The following PCDHGA7 variants were observed in gnomAD, a reference collection of about 807,000 sequenced individuals.
The protein encoded by PCDHGA7 is protocadherin gamma-A7.
A neutral mutation model predicts 58.3 loss-of-function variants in PCDHGA7; 44 were observed. The ratio of observed to expected loss-of-function variants is 0.75; its 90% confidence interval spans 0.59 to 0.97. PCDHGA7 has a LOEUF of 0.97. Among genes scored for constraint, PCDHGA7 ranks in the 50% least tolerant of loss-of-function variants. The pLI is 0.00. For synonymous variants in PCDHGA7, 516 were observed against 504.2 expected (o/e 1.02, Z -0.31); for missense variants, 1,266 against 1,188.7 (o/e 1.06, Z -0.96).
intron 1 of PCDHGA7, among the ~76,000 whole-genome samples, chr5:141,456,877 C>T (rs910777736): frequency 2.0e-5 from 3 of 152,202 alleles, no homozygotes; most frequent in South Asian, 2.1e-4. Context: ...GCAGGAGAAT[C>T]GCTTGAACCC....
At chr5:141,404,319 C>T in intron 1 of PCDHGA7, 3 of 1,613,900 alleles carry the variant, frequency 1.9e-6, no homozygotes, top group East Asian at 4.5e-5. Context: ...TCTCAAGCCT[C>T]CTACTCAGTC....
chr5:141,505,298 T>C, intron 2 of PCDHGA7, 95 bp from the exon 3 acceptor site: 1 of 1,586,334 alleles, frequency 6.3e-7, no homozygotes, highest in Non-Finnish European at 8.6e-7. Flanking sequence ...GGGGTAGGGT[T>C]AGGGTACTAG....
chr5:141,420,465 A>G, intron 1 of PCDHGA7: 1 of 807,604 alleles, frequency 1.2e-6, no homozygotes. Context: ...ATTCAAAGAC[A>G]TTTTAAAGCA....
rs2091965953 is a variant in PCDHGA7 at position 141,389,909 on chromosome 5, C to T, written c.2424+4586C>T. ...AGGAGGTGCTGCCGGATATCACTGA[C>T]CGCCCCGACCCCTCTGACCTCCAGG... On this transcript the variant is annotated intron_variant, in intron 1 of 3. Transcript: ENST00000518325. 1.9e-6 allele frequency: 3 copies of T among 1,614,068 alleles called. No homozygotes were observed. In the South Asian group the frequency reaches 3.3e-5, roughly 18 times the overall value.
chr5:141,399,975 G>A (rs2093929990), intron 1 of PCDHGA7: 2 of 1,612,126 alleles, frequency 1.2e-6, no homozygotes, highest in East Asian at 2.2e-5. Flanking sequence ...TCAGCCTGGG[G>A]CTGCGCACAG....
In PCDHGA7 at chr5:141,487,072, T is replaced by C. The variant is rs754589618; in HGVS notation, c.2425-7735T>C. On this transcript the variant is annotated intron_variant, in intron 1 of 3. Coordinates refer to ENST00000518325, the MANE Select transcript of PCDHGA7 (RefSeq NM_018920.4). This position sits in a 1 kb window ranked among gnomAD's most constrained non-coding sequence, Gnocchi z 5.0. ...CTGGGGAGGTGCGGACGGCTGTTCCTATCCCAGCTGACCTCCCACCACAGA... is the reference window on the plus strand; with the variant it reads ...CTGGGGAGGTGCGGACGGCTGTTCCCATCCCAGCTGACCTCCCACCACAGA... 8.1e-6 allele frequency: 13 copies of C among 1,614,010 alleles called. No homozygotes were observed. Among genetic ancestry groups the C allele is most frequent in the Non-Finnish European group, 1.1e-5 (13 of 1,179,966 alleles).
chr5:141,485,338 T>C lies in PCDHGA7; in HGVS notation c.2425-9469T>C, dbSNP rs1259658641. The stretch of plus-strand genomic sequence containing the variant: ...ATGTCGCTCAAGATTTCCTGCTGGA[T>C]ACGGACAGTCTGTCAGCTCGCAGGC... On this transcript the variant is annotated intron_variant, in intron 1 of 3. Coordinates refer to ENST00000518325, the MANE Select transcript of PCDHGA7 (RefSeq NM_018920.4). The surrounding 1 kb of genome is among the most constrained non-coding windows in gnomAD (Gnocchi z 5.7). 1 of 1,614,140 alleles carries C rather than the reference T, an allele frequency of 6.2e-7. No individual in the cohort carries two copies. Among genetic ancestry groups the C allele is most frequent in the Non-Finnish European group, 8.5e-7 (1 of 1,180,006 alleles).
At chr5:141,418,068 C>T (rs1292846589) in intron 1 of PCDHGA7, 4 of 1,614,002 alleles carry the variant, frequency 2.5e-6, no homozygotes, top group Non-Finnish European at 3.4e-6. Flanking sequence ...CGAGTGAGCG[C>T]GGAGAAGCTG....
intron 1 of PCDHGA7, among the ~76,000 whole-genome samples, chr5:141,402,680 TATA>T (rs1441272447): frequency 2.4e-4 from 36 of 152,348 alleles, no homozygotes; most frequent in African/African-American, 7.9e-4. Context: ...AGCCATCTGA[TATA>T]ATGTTACACA....
chr5:141,479,939 A>G (rs763454741), intron 1 of PCDHGA7, among the ~76,000 whole-genome samples: 2 of 152,004 alleles, frequency 1.3e-5, no homozygotes, highest in Non-Finnish European at 2.9e-5. Flanking sequence ...ATTGCTATCA[A>G]CTCTTGGATT....
chr5:141,426,865 T>G (rs2096965950), intron 1 of PCDHGA7: 1 of 456,600 alleles, frequency 2.2e-6, no homozygotes, highest in African/African-American at 2.0e-5. Flanking sequence ...GAATTAGTGC[T>G]GGAGAAGCCC....
At position 141,486,484 on chromosome 5, in the gene PCDHGA7, C is replaced by G. The variant is rs200150307; in HGVS notation, c.2425-8323C>G. ...ATGCTGGGAACCCTCCTCTCAGTAC[C>G]CACAGAACTATTTTCCTCAATATTT... On this transcript the variant is annotated intron_variant, in intron 1 of 3. Transcript: ENST00000518325. The surrounding 1 kb of genome is among the most constrained non-coding windows in gnomAD (Gnocchi z 5.0). The G allele has an allele frequency of 2.8e-5, 45 of 1,614,102 alleles. No homozygotes were observed. In the Admixed American group the frequency reaches 5.5e-4, roughly 20 times the overall value.
chr5:141,494,878 T>A lies in PCDHGA7; in HGVS notation c.2483+13T>A. Reference sequence around the variant, plus strand: ...CCGGCACCAGCGGGTAGGTGACTGATTCTCCAGCCCACCCTCTTCTCTGCG... The same window carrying A: ...CCGGCACCAGCGGGTAGGTGACTGAATCTCCAGCCCACCCTCTTCTCTGCG... On this transcript the variant is annotated intron_variant, in intron 2 of 3. Coordinates refer to ENST00000518325, the MANE Select transcript of PCDHGA7 (RefSeq NM_018920.4). The A allele has an allele frequency of 6.2e-7, 1 of 1,614,072 alleles. No homozygotes were observed. The highest frequency in any genetic ancestry group is 8.5e-7 in the Non-Finnish European group (1 of 1,179,986).
chr5:141,400,067 A>G lies in PCDHGA7; in HGVS notation c.2424+14744A>G, dbSNP rs761746196. On this transcript the variant is annotated intron_variant, in intron 1 of 3. Coordinates refer to ENST00000518325, the MANE Select transcript of PCDHGA7 (RefSeq NM_018920.4). ...CTGGTTGCTGTGCGTGATGGTGGAC[A>G]GCCGCCACTCTCCGCCACCGCCACG... is the stretch of plus-strand genomic sequence containing the variant. 1.3e-5 allele frequency: 21 copies of G among 1,613,654 alleles called. No individual in the cohort carries two copies. The highest frequency in any genetic ancestry group is 1.7e-4 in the Middle Eastern group (1 of 5,998).
intron 1 of PCDHGA7, chr5:141,410,627 TTC>T: frequency 6.2e-7 from 1 of 1,602,046 alleles, no homozygotes; most frequent in Admixed American, 1.7e-5. Flanking sequence ...TTCGGTGAGT[TTC>T]TCTTTTTTGT....
At chr5:141,466,938 G>C (rs985959499) in intron 1 of PCDHGA7, among the ~76,000 whole-genome samples, 1 of 151,854 alleles carries the variant, frequency 6.6e-6, no homozygotes, top group Non-Finnish European at 1.5e-5. Context: ...TTAGTCCTTT[G>C]TCCAGTAAAC....
chr5:141,442,596 T>C (rs2154559877), intron 1 of PCDHGA7: 1 of 152,310 alleles, frequency 6.6e-6, no homozygotes, highest in South Asian at 2.1e-4. Flanking sequence ...TTAAATATTT[T>C]CAGAGATCTC....
intron 1 of PCDHGA7, chr5:141,404,457 C>A: frequency 1.2e-6 from 2 of 1,612,824 alleles, no homozygotes; most frequent in Non-Finnish European, 1.7e-6. Flanking sequence ...TCTCCTCTCT[C>A]CACCTATGTC....
intron 1 of PCDHGA7, among the ~76,000 whole-genome samples, chr5:141,460,110 A>G (rs966038979): frequency 2.0e-5 from 3 of 151,894 alleles, no homozygotes; most frequent in African/African-American, 7.2e-5. Context: ...ATTATATATG[A>G]TTTTTATATA....
Sources: allele counts gnomAD v4.1 joint callset (sites outside exome capture counted in the v4.1 genomes callset), GRCh38; gene constraint gnomAD v4.1.1; non-coding constraint Gnocchi (gnomAD v3.1); transcripts MANE v1.5; gene names NCBI Gene and HGNC (gene_info 2026-07-23, HGNC 2026-07-21).